Variants in CACNA1G observed in about 807,000 individuals in gnomAD.
CACNA1G encodes the protein calcium voltage-gated channel subunit alpha1 G.
CACNA1G carries 67 observed loss-of-function variants against 219.4 expected under a neutral mutation model. The ratio of observed to expected loss-of-function variants is 0.31; its 90% CI spans 0.25 to 0.37. CACNA1G has a LOEUF of 0.37. Ranked by LOEUF, CACNA1G falls within the 10% of genes least tolerant of loss-of-function variation. The probability of loss-of-function intolerance (pLI) is 1.00; values close to 1 mark genes in which losing one functional copy is unlikely to be tolerated. For synonymous variants in CACNA1G, 1,296 were observed against 1,345.3 expected (o/e 0.96, Z 0.80); for missense variants, 2,380 against 3,231.4 (o/e 0.74, Z 6.39).
At chr17:50,594,400 G>C (rs988413550) in intron 13 of CACNA1G, among the ~76,000 whole-genome samples, 1 of 152,212 alleles carries the variant, frequency 6.6e-6, no homozygotes, top group Non-Finnish European at 1.5e-5. Flanking sequence ...GAGAGCATGA[G>C]ACGTTATGAG....
Position 50,569,091 on chromosome 17 carries a change from G to T in CACNA1G, c.355-74G>T, listed in dbSNP as rs551719471. On this transcript the variant is annotated intron_variant, in intron 2 of 37. Coordinates refer to ENST00000359106, the MANE Select transcript of CACNA1G (RefSeq NM_018896.5). ...TGCAAGAGGCCCTGACCCAACTGGTGGGGACTAGGGTGGGACTAGAGGGTA... is the reference window on the plus strand; with the variant it reads ...TGCAAGAGGCCCTGACCCAACTGGTTGGGACTAGGGTGGGACTAGAGGGTA... 4 of 1,570,110 alleles carry T rather than the reference G, an allele frequency of 2.5e-6. No individual in the cohort carries two copies. In the Admixed American group the frequency reaches 7.3e-5, roughly 29 times the overall value.
chr17:50,619,349 C>T lies in CACNA1G; in HGVS notation c.5782-334C>T, dbSNP rs187426746. On this transcript the variant is annotated intron_variant, in intron 33 of 37. Coordinates refer to ENST00000359106, the MANE Select transcript of CACNA1G (RefSeq NM_018896.5). Reference sequence around the variant, plus strand: ...GCCCAACTGCCAAATCTCTTTCCTACCCACCCTTTAACCTGCCTGATTCTC... The same window carrying T: ...GCCCAACTGCCAAATCTCTTTCCTATCCACCCTTTAACCTGCCTGATTCTC... Among the ~76,000 whole-genome samples the T allele has an allele frequency of 2.0e-5, 3 of 152,274 alleles. No individual in the cohort carries two copies. In the East Asian group the frequency reaches 5.8e-4, roughly 29 times the overall value.
In CACNA1G at chr17:50,618,381, G is replaced by T. The variant is rs1240754483; in HGVS notation, c.5427+38G>T. 7.5e-6 allele frequency: 12 copies of T among 1,603,416 alleles called. No homozygotes were observed. Among genetic ancestry groups the T allele is most frequent in the Non-Finnish European group, 1.0e-5 (12 of 1,172,928 alleles). ...GGTTGGCCTAGGCTCCAGGGAGGCA[G>T]CCCCACTTCCTGAGCTAGGATTCCT... On this transcript the variant is annotated intron_variant, in intron 32 of 37. Transcript: ENST00000359106. This position sits in a 1 kb window ranked among gnomAD's most constrained non-coding sequence, Gnocchi z 5.3.
At chr17:50,566,058 T>C (rs761491197) in intron 1 of CACNA1G, among the ~76,000 whole-genome samples, 2 of 152,144 alleles carry the variant, frequency 1.3e-5, no homozygotes. Context: ...ACCATGGGGA[T>C]CTGTCACATG....
chr17:50,588,352 A>G (rs1443472541), intron 9 of CACNA1G, among the ~76,000 whole-genome samples: 1 of 48,040 alleles, frequency 2.1e-5, no homozygotes, highest in Non-Finnish European at 3.7e-5. Context: ...CTGCCCTGTG[A>G]CTTTGAACAT....
Position 50,621,595 on chromosome 17 carries a change from T to TGCGTGTGCACGCGCGTGTGC in CACNA1G, c.5926-62_5926-43dup. On this transcript the variant is annotated intron_variant, in intron 34 of 37. Coordinates refer to ENST00000359106, the MANE Select transcript of CACNA1G (RefSeq NM_018896.5). The surrounding 1 kb of genome is among the most constrained non-coding windows in gnomAD (Gnocchi z 4.6). ...TGGGGACTGAGAGAGAGCGCGTGTG[T>TGCGTGTGCACGCGCGTGTGC]GCGTGTGCACGCGCGTGTGCGCTGT... is the stretch of plus-strand genomic sequence containing the variant. The TGCGTGTGCACGCGCGTGTGC allele has an allele frequency of 6.4e-7, 1 of 1,563,332 alleles. No individual in the cohort carries two copies. Among genetic ancestry groups the TGCGTGTGCACGCGCGTGTGC allele is most frequent in the Non-Finnish European group, 8.8e-7 (1 of 1,141,272 alleles).
Position 50,616,310 on chromosome 17 carries a change from C to A in CACNA1G, c.4947C>A (p.Ile1649=). The change falls in exon 28 of 38, where the codon ATC becomes ATA. Residue 1649 remains isoleucine, a synonymous_variant. Transcript: ENST00000359106. ...AGGCTCTGAAGATCTGCAACTACAT[C>A]TTCACTGTCATCTTTGTCTTGGAGT... ...LDEALKICNY[I]FTVIFVLESV... is the part of the protein sequence containing the mutation. 1.2e-6 allele frequency: 2 copies of A among 1,613,744 alleles called. No individual in the cohort carries two copies. Among genetic ancestry groups the A allele is most frequent in the South Asian group, 2.2e-5 (2 of 91,064 alleles).
chr17:50,622,507 G>A (rs904889401), intron 35 of CACNA1G, among the ~76,000 whole-genome samples: 3 of 152,110 alleles, frequency 2.0e-5, no homozygotes, highest in African/African-American at 7.2e-5. Context: ...TGTCCCTAGG[G>A]GTCTTGGGTG....
At chr17:50,615,591 C>A in intron 27 of CACNA1G, 79 bp downstream of exon 27, 1 of 1,500,682 alleles carries the variant, frequency 6.7e-7, no homozygotes, top group Non-Finnish European at 9.1e-7. Flanking sequence ...ACAGCCTGAG[C>A]CAGGGTACCT....
At chr17:50,619,583 CTGTT>C (rs1567771764) in intron 33 of CACNA1G, 96 bp from the exon 34 acceptor site, 5 of 1,149,418 alleles carry the variant, frequency 4.4e-6, no homozygotes. Context: ...TCTTTCTCCT[CTGTT>C]TCTCTTGTCA....
rs1598789069 is a variant in CACNA1G at position 50,621,062 on chromosome 17, G to A, written c.5926-598G>A. Reference sequence around the variant, plus strand: ...CATCTCCCAGAGCCCAAGTTGGAGAGGGCGGGCGGGCTGCAGGCAGGCGGA... The same window carrying A: ...CATCTCCCAGAGCCCAAGTTGGAGAAGGCGGGCGGGCTGCAGGCAGGCGGA... On this transcript the variant is annotated intron_variant, in intron 34 of 37. Transcript: ENST00000359106. The surrounding 1 kb of genome is among the most constrained non-coding windows in gnomAD (Gnocchi z 4.6). 1.3e-5 allele frequency among the ~76,000 whole-genome samples: 2 copies of A among 152,208 alleles called. No homozygotes were observed. The highest frequency in any genetic ancestry group is 4.1e-4 in the South Asian group (2 of 4,832).
chr17:50,569,004 G>A (rs1286731347), intron 2 of CACNA1G, 23 bp downstream of exon 2: 5 of 1,513,490 alleles, frequency 3.3e-6, no homozygotes, highest in Non-Finnish European at 4.4e-6. Flanking sequence ...GTGTGTGTGT[G>A]TGTGTGTGTG....
At chr17:50,620,579 C>G (rs1161742850) in intron 34 of CACNA1G, among the ~76,000 whole-genome samples, 1 of 152,202 alleles carries the variant, frequency 6.6e-6, no homozygotes, top group Non-Finnish European at 1.5e-5. Flanking sequence ...GAGAGAGGGC[C>G]CCACCCTCCC....
rs908905086 is a variant in CACNA1G, at chr17:50,600,156, T to C, written c.3690+297T>C. On this transcript the variant is annotated intron_variant, in intron 17 of 37. Transcript: ENST00000359106. This position sits in a 1 kb window ranked among gnomAD's most constrained non-coding sequence, Gnocchi z 4.1. ...TCCCCCTGTGACTCAGAAAGACCCA[T>C]CACTCATCTCTCCAAACTGATGCCC... Among the ~76,000 whole-genome samples, 2 of 152,108 alleles carry C rather than the reference T, an allele frequency of 1.3e-5. No individual in the cohort carries two copies. The highest frequency in any genetic ancestry group is 4.8e-5 in the African/African-American group (2 of 41,410).
chr17:50,601,164 C>T lies in CACNA1G; in HGVS notation c.3905C>T (p.Pro1302Leu), dbSNP rs750914455. Reference sequence around the variant, plus strand: ...GCCATGGAGCGCCCCAAAATTGACCCCCACAGCGCTGTGAGTCACCAGCCC... The same window carrying T: ...GCCATGGAGCGCCCCAAAATTGACCTCCACAGCGCTGTGAGTCACCAGCCC... ...TIAMERPKID[P>L]HSAERIFLTL... Residue 1302 changes from proline to leucine, a missense_variant, in exon 19 of 38, where the codon CCC (proline) becomes CTC (leucine). Physicochemically the swap from Pro to Leu is moderately conservative, Grantham distance 98. Transcript: ENST00000359106. 1.2e-6 allele frequency: 2 copies of T among 1,613,842 alleles called. No individual in the cohort carries two copies. The highest frequency in any genetic ancestry group is 8.5e-7 in the Non-Finnish European group (1 of 1,179,864).
intron 35 of CACNA1G, among the ~76,000 whole-genome samples, chr17:50,622,136 C>T (rs1047463181): frequency 1.3e-5 from 2 of 152,010 alleles, no homozygotes; most frequent in African/African-American, 4.8e-5. Flanking sequence ...AATTTGGAGC[C>T]CTGTGCAAGC....
Position 50,565,211 on chromosome 17 carries a change from T to G in CACNA1G, c.242+3510T>G, listed in dbSNP as rs764406214. Reference sequence around the variant, plus strand: ...CTGGCCTATTTCCCCTTCCAAAGATTCCAGCGGGCCGTCTCTCTTGTGTCT... The same window carrying G: ...CTGGCCTATTTCCCCTTCCAAAGATGCCAGCGGGCCGTCTCTCTTGTGTCT... On this transcript the variant is annotated intron_variant, in intron 1 of 37. Transcript: ENST00000359106. Among the ~76,000 whole-genome samples the G allele has an allele frequency of 9.2e-5, 14 of 152,060 alleles. 1 individual carries two copies. The highest frequency in any genetic ancestry group is 1.6e-4 in the Non-Finnish European group (11 of 68,016).
At chr17:50,609,075 G>A (rs1174787860) in intron 25 of CACNA1G, among the ~76,000 whole-genome samples, 2 of 152,120 alleles carry the variant, frequency 1.3e-5, no homozygotes, top group East Asian at 1.9e-4. Context: ...AGATGGGTGC[G>A]GTGGCCTGAG....
chr17:50,570,038 GAAACAT>G (rs1239911823), intron 4 of CACNA1G, among the ~76,000 whole-genome samples: 20 of 152,176 alleles, frequency 1.3e-4, no homozygotes, highest in Admixed American at 1.3e-3. Context: ...CAGAGTCTCA[GAAACAT>G]CTCAGATGAC....
Sources: allele counts gnomAD v4.1 joint callset (sites outside exome capture counted in the v4.1 genomes callset), GRCh38; gene constraint gnomAD v4.1.1; non-coding constraint Gnocchi (gnomAD v3.1); transcripts MANE v1.5; gene names NCBI Gene and HGNC (gene_info 2026-07-23, HGNC 2026-07-21).